The following FYN variants were observed in gnomAD, a reference collection of about 807,000 sequenced individuals.
FYN encodes FYN proto-oncogene, Src family tyrosine kinase.
FYN carries 10 observed loss-of-function variants against 70.2 expected under a neutral mutation model. The ratio of observed to expected loss-of-function variants is 0.14; its 90% CI spans 0.09 to 0.24. The LOEUF (loss-of-function observed/expected upper bound fraction) is 0.24. Ranked by LOEUF, FYN falls within the 10% of genes least tolerant of loss-of-function variation. The pLI, the probability that FYN is intolerant of heterozygous loss-of-function variation, is 1.00. For synonymous variants in FYN, 236 were observed against 248.6 expected (o/e 0.95, Z 0.48); for missense variants, 319 against 673.1 (o/e 0.47, Z 5.82).
intron 2 of FYN, among the ~76,000 whole-genome samples, chr6:111,783,738 C>A (rs771716497): frequency 6.6e-6 from 1 of 152,180 alleles, no homozygotes; most frequent in African/African-American, 2.4e-5. Flanking sequence ...CAAAAGAGCC[C>A]CCATATTTCT....
chr6:111,834,669 CCCAGAGTGCAG>C (rs1773122275), intron 2 of FYN, among the ~76,000 whole-genome samples: 2 of 152,194 alleles, frequency 1.3e-5, no homozygotes, highest in African/African-American at 4.8e-5. Flanking sequence ...AATCTGTCTG[CCCAGAGTGCAG>C]ACACCTTTTG....
At chr6:111,762,050 G>T (rs56139160) in intron 3 of FYN, among the ~76,000 whole-genome samples, 4 of 152,198 alleles carry the variant, frequency 2.6e-5, no homozygotes, top group Non-Finnish European at 5.9e-5. Flanking sequence ...TCAACACGTA[G>T]GCTGTGTGTA....
intron 2 of FYN, among the ~76,000 whole-genome samples, chr6:111,803,492 TTCA>T (rs1464518510): frequency 6.6e-6 from 1 of 152,176 alleles, no homozygotes; most frequent in Non-Finnish European, 1.5e-5. Flanking sequence ...GCCAGTTTCA[TTCA>T]TCATATATCC....
chr6:111,839,378 G>A (rs1217289195), intron 2 of FYN, among the ~76,000 whole-genome samples: 1 of 152,108 alleles, frequency 6.6e-6, no homozygotes, highest in East Asian at 1.9e-4. Flanking sequence ...GAAAGGAGAT[G>A]AGTTTAAAGC....
Position 111,705,264 on chromosome 6 carries a change from C to T in FYN, c.444-1162G>A, listed in dbSNP as rs548316867. Among the ~76,000 whole-genome samples the T allele has an allele frequency of 5.9e-5, 9 of 152,158 alleles. No individual in the cohort carries two copies. The South Asian group carries it at 1.2e-3, about 21-fold the overall frequency. On this transcript the variant is annotated intron_variant, in intron 6 of 13. Transcript: ENST00000354650. ...CTCCCTATAAGAATTCTGAGAAAAA[C>T]GCCCATGAGTACTTACTTGTATTTT... is the stretch of plus-strand genomic sequence containing the variant.
At chr6:111,812,604 CTTTTTTTTTTTTTTTT>C (rs369326017) in intron 2 of FYN, among the ~76,000 whole-genome samples, 1 of 101,284 alleles carries the variant, frequency 9.9e-6, no homozygotes, top group African/African-American at 3.4e-5. Context: ...AGAAATTTTC[CTTTTTTTTTTTTTTTT>C]TTTTTTTTTT....
At chr6:111,870,785 C>A (rs1228232015) in intron 1 of FYN, among the ~76,000 whole-genome samples, 1 of 152,126 alleles carries the variant, frequency 6.6e-6, no homozygotes, top group Non-Finnish European at 1.5e-5. Flanking sequence ...GTTGGAGATT[C>A]CAGACCCAGG....
At chr6:111,866,275 A>G (rs1774102222) in intron 1 of FYN, among the ~76,000 whole-genome samples, 1 of 152,208 alleles carries the variant, frequency 6.6e-6, no homozygotes, top group Admixed American at 6.5e-5. Context: ...GAGACCAGGT[A>G]ACTTGGCCCA....
At chr6:111,690,356 C>G (rs985504874) in intron 12 of FYN, among the ~76,000 whole-genome samples, 7 of 152,028 alleles carry the variant, frequency 4.6e-5, no homozygotes, top group Admixed American at 6.5e-5. Flanking sequence ...GTGAGGGCAC[C>G]CCGACTCATC....
At chr6:111,850,768 C>T (rs1392521597) in intron 1 of FYN, among the ~76,000 whole-genome samples, 1 of 152,244 alleles carries the variant, frequency 6.6e-6, no homozygotes, top group Admixed American at 6.5e-5. Context: ...TGTGCAGCTG[C>T]AGACAGACAT....
intron 2 of FYN, among the ~76,000 whole-genome samples, chr6:111,785,777 G>A (rs200151791): frequency 1.3e-5 from 2 of 150,782 alleles, no homozygotes; most frequent in African/African-American, 4.9e-5. Context: ...CCATTAACTC[G>A]TCATTTACAT....
In FYN at chr6:111,837,746, A is replaced by C. The variant is rs899510265; in HGVS notation, c.-82+8843T>G. Among the ~76,000 whole-genome samples, 4 of 152,102 alleles carry C rather than the reference A, an allele frequency of 2.6e-5. 1 individual carries two copies. The highest frequency in any genetic ancestry group is 9.7e-5 in the African/African-American group (4 of 41,412). ...TGACTGTCAGCTTCTCCCGTGGCCT[A>C]GCTCTTTGGTGAGACGGTCAGGACT... On this transcript the variant is annotated intron_variant, in intron 2 of 13. Transcript: ENST00000354650.
chr6:111,691,504 T>C (rs150904875), intron 12 of FYN, among the ~76,000 whole-genome samples: 561 of 152,278 alleles, frequency 3.7e-3, no homozygotes, highest in Middle Eastern at 0.014. Context: ...GGACCAGCTG[T>C]CTGGAGGAGC....
chr6:111,813,754 A>T (rs143757740), intron 2 of FYN: 1 of 152,362 alleles, frequency 6.6e-6, no homozygotes, highest in African/African-American at 2.4e-5. Flanking sequence ...AGGTCTTAGC[A>T]GTGCTAGAGG....
chr6:111,661,505 T>C lies in FYN; in HGVS notation c.*234A>G. 1 of 513,150 alleles carries C rather than the reference T, an allele frequency of 1.9e-6. No homozygotes were observed. The highest frequency in any genetic ancestry group is 3.5e-6 in the Non-Finnish European group (1 of 288,000). The allele number at this position is 513,150 out of a possible 1,614,324, so 31.8% of individuals were successfully genotyped here. A position where few individuals can be genotyped will look rare whatever the true frequency, so the allele number is the denominator to read the frequency against. ...TTTTACATAACATCGATACAATGCA[T>C]TTTCCAAAGTCTGAGAAATAACAAG... On this transcript the variant is annotated 3_prime_UTR_variant, in exon 14 of 14. Coordinates refer to ENST00000354650, the MANE Select transcript of FYN (RefSeq NM_002037.5). The surrounding 1 kb of genome is among the most constrained non-coding windows in gnomAD (Gnocchi z 4.0).
At chr6:111,822,773 G>A (rs1191984317) in intron 2 of FYN, among the ~76,000 whole-genome samples, 1 of 152,034 alleles carries the variant, frequency 6.6e-6, no homozygotes, top group African/African-American at 2.4e-5. Flanking sequence ...AGAAGTAGAA[G>A]GAAATGCAAG....
At chr6:111,722,707 A>C (rs1460038419) in intron 3 of FYN, among the ~76,000 whole-genome samples, 1 of 152,284 alleles carries the variant, frequency 6.6e-6, no homozygotes, top group East Asian at 1.9e-4. Context: ...TCACACTCAG[A>C]GGGGAGGGAT....
chr6:111,859,000 C>T (rs905098938), intron 1 of FYN, among the ~76,000 whole-genome samples: 1 of 152,206 alleles, frequency 6.6e-6, no homozygotes, highest in South Asian at 2.1e-4. Context: ...CTCTGTTCTA[C>T]CATTGAGTGG....
At chr6:111,675,294 G>C (rs924726751) in intron 12 of FYN, among the ~76,000 whole-genome samples, 7 of 152,058 alleles carry the variant, frequency 4.6e-5, no homozygotes, top group African/African-American at 1.7e-4. Flanking sequence ...ACTATTTAAT[G>C]TTTGTTTTTT....
Sources: allele counts gnomAD v4.1 joint callset (sites outside exome capture counted in the v4.1 genomes callset), GRCh38; gene constraint gnomAD v4.1.1; non-coding constraint Gnocchi (gnomAD v3.1); transcripts MANE v1.5; gene names NCBI Gene and HGNC (gene_info 2026-07-23, HGNC 2026-07-21).